EVI5: variants seen among roughly 807,000 people sequenced by gnomAD.
The protein encoded by EVI5 is ecotropic viral integration site 5.
EVI5 carries 73 observed loss-of-function variants against 112.0 expected under a neutral mutation model. The ratio of observed to expected loss-of-function variants is 0.65; its 90% CI spans 0.54 to 0.79. EVI5 has a LOEUF of 0.79. EVI5 is among the 30% of genes least tolerant of loss of function. The pLI is 0.00. For synonymous variants in EVI5, 305 were observed against 319.9 expected, an observed-to-expected ratio of 0.95 and a Z score of 0.50; for missense variants, 900 against 968.8, an observed-to-expected ratio of 0.93 and a Z score of 0.94.
intron 1 of EVI5, among the ~76,000 whole-genome samples, chr1:92,769,725 A>AT (rs1188253474): frequency 2.0e-5 from 3 of 152,118 alleles, no homozygotes; most frequent in Non-Finnish European, 2.9e-5. Flanking sequence ...TACTAAAAAA[A>AT]ATATATAAAA....
intron 1 of EVI5, among the ~76,000 whole-genome samples, chr1:92,744,600 TCACACACACA>T (rs961223051): frequency 6.4e-4 from 18 of 28,020 alleles, no homozygotes; most frequent in Admixed American, 3.2e-3. Flanking sequence ...TCTCTCTCTC[TCACACACACA>T]CACACACACA....
chr1:92,682,527 C>T (rs563908596), intron 9 of EVI5, among the ~76,000 whole-genome samples: 35 of 152,012 alleles, frequency 2.3e-4, no homozygotes, highest in Admixed American at 5.9e-4. Context: ...TTTGGGAGGC[C>T]GAGGTGGGTG....
chr1:92,675,351 A>G (rs1666551724), intron 10 of EVI5, among the ~76,000 whole-genome samples: 2 of 152,246 alleles, frequency 1.3e-5, no homozygotes, highest in South Asian at 4.1e-4. Flanking sequence ...TCTAAAAGAA[A>G]AGAAAATACT....
intron 2 of EVI5, among the ~76,000 whole-genome samples, chr1:92,723,816 T>C (rs1675131100): frequency 6.6e-6 from 1 of 152,150 alleles, no homozygotes; most frequent in Admixed American, 6.6e-5. Flanking sequence ...CTGAATTATT[T>C]TCCCAGCAAG....
At chr1:92,751,191 C>A (rs978974689) in intron 1 of EVI5, among the ~76,000 whole-genome samples, 1 of 152,084 alleles carries the variant, frequency 6.6e-6, no homozygotes, top group Non-Finnish European at 1.5e-5. Context: ...TTTGGTTACA[C>A]CAATATTCAG....
At chr1:92,556,538 T>C (rs2100817301) in intron 19 of EVI5, among the ~76,000 whole-genome samples, 1 of 152,322 alleles carries the variant, frequency 6.6e-6, no homozygotes, top group South Asian at 2.1e-4. Context: ...TTCATGGACA[T>C]GTTATATGTC....
chr1:92,630,693 T>C (rs1321189591), intron 14 of EVI5, among the ~76,000 whole-genome samples: 6 of 152,172 alleles, frequency 3.9e-5, no homozygotes, highest in South Asian at 2.1e-4. Context: ...TTTGTCAATT[T>C]TGGCTTTTGT....
intron 6 of EVI5, among the ~76,000 whole-genome samples, chr1:92,696,677 G>C (rs1670369855): frequency 6.6e-6 from 1 of 151,560 alleles, no homozygotes; most frequent in Non-Finnish European, 1.5e-5. Flanking sequence ...ACCTATTCTG[G>C]CTTTTTCTTT....
At chr1:92,787,772 A>T (rs1685750446), upstream of EVI5, among the ~76,000 whole-genome samples, 1 of 151,560 alleles carries the variant, frequency 6.6e-6, no homozygotes, top group South Asian at 2.1e-4. Context: ...AAGAGAGAGG[A>T]AGACTGGGTG....
chr1:92,559,633 G>A (rs1199624467), intron 19 of EVI5, among the ~76,000 whole-genome samples: 1 of 151,902 alleles, frequency 6.6e-6, no homozygotes, highest in Non-Finnish European at 1.5e-5. Context: ...AATTAGCCAG[G>A]CATGGTGGTG....
Position 92,563,668 on chromosome 1 carries a change from CT to C in EVI5, c.2139del (p.Asp714IlefsTer3), listed in dbSNP as rs754466172. 2.5e-6 allele frequency: 4 copies of C among 1,599,996 alleles called. No homozygotes were observed. Among genetic ancestry groups the C allele is most frequent in the Non-Finnish European group, 3.4e-6 (4 of 1,169,558 alleles). The part of the protein sequence containing the change: ...SDSNQYIGEL[K>X]DQIAELNHEL... ...TCATGATTCAGCTCTGCTATCTGATCTTTCAGTTCCCCAATATACTGGTTAG... is the reference window on the plus strand; with the variant it reads ...TCATGATTCAGCTCTGCTATCTGATCTTCAGTTCCCCAATATACTGGTTAG... On this transcript the variant is annotated frameshift_variant, in exon 19 of 20. Coordinates refer to ENST00000684568, the MANE Select transcript of EVI5 (RefSeq NM_001350197.2). LOFTEE classifies it high-confidence loss of function.
intron 1 of EVI5, among the ~76,000 whole-genome samples, chr1:92,771,866 T>C (rs1156251927): frequency 6.6e-6 from 1 of 151,770 alleles, no homozygotes; most frequent in African/African-American, 2.4e-5. Context: ...TTTTTATTAT[T>C]TTTTTTGAGA....
intron 1 of EVI5, among the ~76,000 whole-genome samples, chr1:92,742,163 C>T (rs1340634426): frequency 1.3e-5 from 2 of 151,928 alleles, no homozygotes; most frequent in East Asian, 3.9e-4. Flanking sequence ...TTTGAACAGA[C>T]ATTTCCCCAA....
chr1:92,665,286 T>C (rs1165471033), intron 11 of EVI5, among the ~76,000 whole-genome samples: 2 of 152,166 alleles, frequency 1.3e-5, no homozygotes, highest in Non-Finnish European at 2.9e-5. Context: ...GCAAAATTCT[T>C]AAACCATACT....
In EVI5 at chr1:92,589,577, T is replaced by C. The variant is rs558414745; in HGVS notation, c.2070+15730A>G. On this transcript the variant is annotated intron_variant, in intron 18 of 19. Transcript: ENST00000684568. ...GCAGCGAGGCTGGGGGAGGGGCGCC[T>C]GCCACTGCCGAGGCTTGAGTAGGTA... Among the ~76,000 whole-genome samples, 24 of 152,282 alleles carry C rather than the reference T, an allele frequency of 1.6e-4. 1 individual carries two copies. The South Asian group carries it at 5.0e-3, about 32-fold the overall frequency.
chr1:92,619,027 A>G (rs537133128), intron 16 of EVI5, among the ~76,000 whole-genome samples: 5 of 152,306 alleles, frequency 3.3e-5, no homozygotes, highest in East Asian at 1.9e-4. Flanking sequence ...AAGATTATGT[A>G]TGATCTCAGG....
chr1:92,753,796 A>G (rs1680529523), intron 1 of EVI5, among the ~76,000 whole-genome samples: 1 of 152,196 alleles, frequency 6.6e-6, no homozygotes, highest in African/African-American at 2.4e-5. Flanking sequence ...CTGTAGTAAT[A>G]CTGTCTCTCC....
intron 16 of EVI5, chr1:92,622,186 G>T: frequency 5.1e-6 from 1 of 197,974 alleles, no homozygotes; most frequent in Middle Eastern, 6.1e-4. Context: ...TCTAGCAATG[G>T]GAATGTGTTG....
intron 19 of EVI5, among the ~76,000 whole-genome samples, chr1:92,556,955 GC>G (rs1667768014): frequency 6.6e-6 from 1 of 151,622 alleles, no homozygotes; most frequent in African/African-American, 2.4e-5. Context: ...GAACTACAAG[GC>G]CCACACTACC....
Sources: gnomAD v4.1 joint callset for allele counts (sites outside exome capture counted in the v4.1 genomes callset) on GRCh38, gnomAD v4.1.1 for gene constraint, MANE v1.5 for transcripts, NCBI Gene and HGNC (gene_info 2026-07-23, HGNC 2026-07-21) for gene names.